Variants in GRHL1 observed in about 807,000 individuals in gnomAD.
GRHL1 encodes the protein grainyhead like transcription factor 1, also known as grainyhead-like protein 1 homolog.
In GRHL1, 38 loss-of-function variants were observed where a neutral mutation model predicts 75.7. The ratio of observed to expected loss-of-function variants is 0.50; its 90% CI spans 0.39 to 0.66. The LOEUF is 0.66. Among genes scored for constraint, GRHL1 ranks in the 30% least tolerant of loss-of-function variants. The pLI, the probability that GRHL1 is intolerant of heterozygous loss-of-function variation, is 0.00. For missense variants in GRHL1, 589 were observed against 767.5 expected, an observed-to-expected ratio of 0.77 and a Z score of 2.75; for synonymous variants, 266 against 279.4, an observed-to-expected ratio of 0.95 and a Z score of 0.48.
chr2:9,998,725 TATATACGTATATATGTACACAC>T lies in GRHL1; in HGVS notation c.1678-234_1678-213del, dbSNP rs1261620949. On this transcript the variant is annotated intron_variant, in intron 14 of 15. Coordinates refer to ENST00000324907, the MANE Select transcript of GRHL1 (RefSeq NM_198182.3). ...ATATATACATATATATGTACACACA[TATATACGTATATATGTACACAC>T]ATATATACGTATATATATGTACACA... Among the ~76,000 whole-genome samples the T allele has an allele frequency of 2.8e-3, 157 of 55,696 alleles. 10 individuals carry two copies. The highest frequency in any genetic ancestry group is 0.014 in the African/African-American group (113 of 8,172). 36.5% of individuals were successfully genotyped at this position (55,696 alleles called of 152,430 possible). A position where few individuals can be genotyped will look rare whatever the true frequency, so the allele number is the denominator to read the frequency against.
At chr2:9,965,157 G>T in intron 7 of GRHL1, 130 bp from the exon 8 acceptor site, 4 of 553,084 alleles carry the variant, frequency 7.2e-6, no homozygotes, top group Non-Finnish European at 1.3e-5. Context: ...TCTTCTAATC[G>T]AACAAAATGT....
Position 9,965,391 on chromosome 2 carries a change from G to A in GRHL1, c.1110+10G>A, listed in dbSNP as rs774504745. On this transcript the variant is annotated intron_variant, in intron 8 of 15. Transcript: ENST00000324907. ...CAACGATGAAGCAAAGGTGGGTGGT[G>A]AGGTCTGGGCGCCTTATGTCCAGCC... 2.5e-5 allele frequency: 37 copies of A among 1,504,792 alleles called. No individual in the cohort carries two copies. The highest frequency in any genetic ancestry group is 8.4e-5 in the Admixed American group (5 of 59,732). 93.2% of individuals were successfully genotyped at this position (1,504,792 alleles called of 1,614,324 possible).
intron 11 of GRHL1, 36 bp from the exon 12 acceptor site, chr2:9,993,171 A>G (rs771516061): frequency 2.7e-6 from 4 of 1,492,084 alleles, no homozygotes; most frequent in African/African-American, 2.8e-5. Context: ...CATTTTGAGC[A>G]TACATTTGAA....
intron 12 of GRHL1, among the ~76,000 whole-genome samples, chr2:9,993,643 G>A (rs906719916): frequency 6.6e-6 from 1 of 152,178 alleles, no homozygotes; most frequent in East Asian, 1.9e-4. Context: ...CTTAGTTTGC[G>A]TGTGTCTGCT....
chr2:10,001,416 AAATATAT>A lies in GRHL1; in HGVS notation c.*719_*725del, dbSNP rs1246929277. ...AAATGTGTACATACATGTCTTATAT[AAATATAT>A]AATATATAAATATGGTGTCTGTGTA... On this transcript the variant is annotated 3_prime_UTR_variant, in exon 16 of 16. Coordinates refer to ENST00000324907, the MANE Select transcript of GRHL1 (RefSeq NM_198182.3). 6.6e-6 allele frequency: 1 copy of A among 152,480 alleles called. No homozygotes were observed. The highest frequency in any genetic ancestry group is 1.5e-5 in the Non-Finnish European group (1 of 67,990). The allele number at this position is 152,480 out of a possible 1,614,324, so 9.4% of individuals were successfully genotyped here. A position where few individuals can be genotyped will look rare whatever the true frequency, so the allele number is the denominator to read the frequency against.
intron 1 of GRHL1, among the ~76,000 whole-genome samples, chr2:9,954,088 T>C (rs1666911224): frequency 6.6e-6 from 1 of 152,206 alleles, no homozygotes; most frequent in South Asian, 2.1e-4. Flanking sequence ...TCGCCATTGA[T>C]TTTTTTGGAT....
rs1312717832 is a variant in GRHL1 at position 9,961,101 on chromosome 2, G to A, written c.334G>A (p.Val112Met). Residue 112 changes from valine to methionine, a missense_variant, in exon 4 of 16, where the codon GTG (valine) becomes ATG (methionine). This residue lies in a region of GRHL1 where 362 missense variants were observed against 461.8 expected (regional missense o/e 0.78). Coordinates refer to ENST00000324907, the MANE Select transcript of GRHL1 (RefSeq NM_198182.3). The stretch of plus-strand genomic sequence containing the variant: ...CCTCATCTCTGCTGGAGAAAACAGA[G>A]TGCAAGTACTGAAAAATGTGCCATT... ...QPLISAGENR[V>M]QVLKNVPFNI... 1.3e-6 allele frequency: 2 copies of A among 1,570,334 alleles called. No individual in the cohort carries two copies. Among genetic ancestry groups the A allele is most frequent in the Admixed American group, 3.8e-5 (2 of 52,456 alleles).
At chr2:9,978,438 T>TG (rs1350656865) in intron 8 of GRHL1, among the ~76,000 whole-genome samples, 1 of 151,920 alleles carries the variant, frequency 6.6e-6, no homozygotes, top group Non-Finnish European at 1.5e-5. Flanking sequence ...GCAGAGAAAA[T>TG]GAAGATCCCC....
At chr2:9,978,323 G>T (rs1304380013) in intron 8 of GRHL1, among the ~76,000 whole-genome samples, 1 of 152,356 alleles carries the variant, frequency 6.6e-6, no homozygotes, top group Non-Finnish European at 1.5e-5. Flanking sequence ...GGGCAGATGA[G>T]GGGATGGTGA....
Position 9,975,857 on chromosome 2 carries a change from G to A in GRHL1, c.1111-10267G>A, listed in dbSNP as rs183112213. Among the ~76,000 whole-genome samples the A allele has an allele frequency of 3.5e-4, 54 of 152,150 alleles. 1 individual carries two copies. The highest frequency in any genetic ancestry group is 1.1e-3 in the African/African-American group (45 of 41,502). On this transcript the variant is annotated intron_variant, in intron 8 of 15. Coordinates refer to ENST00000324907, the MANE Select transcript of GRHL1 (RefSeq NM_198182.3). ...GCCGAGATTGCACCATTGCATTCCA[G>A]CCTGGGCAACAAGAAAAAAAACTCT...
intron 3 of GRHL1, chr2:9,959,311 A>G (rs1667167219): frequency 6.6e-6 from 1 of 152,422 alleles, no homozygotes; most frequent in Non-Finnish European, 1.5e-5. Context: ...AGAAAATTTA[A>G]TTAACGTTTG....
chr2:9,965,110 A>G (rs1029837198), intron 7 of GRHL1, 177 bp from the exon 8 acceptor site: 2 of 531,074 alleles, frequency 3.8e-6, no homozygotes, highest in East Asian at 5.8e-5. Context: ...CCTCTATTAC[A>G]AAAACTCTGT....
intron 8 of GRHL1, among the ~76,000 whole-genome samples, chr2:9,985,390 T>C (rs1484014665): frequency 2.0e-5 from 3 of 152,226 alleles, no homozygotes; most frequent in African/African-American, 7.2e-5. Context: ...CGTTACCACT[T>C]TTGTCTTAGG....
intron 11 of GRHL1, 85 bp from the exon 12 acceptor site, chr2:9,993,122 A>G: frequency 9.8e-7 from 1 of 1,019,106 alleles, no homozygotes; most frequent in Non-Finnish European, 1.6e-6. Context: ...TGAAATTCAA[A>G]ATTATTTCCA....
rs139377733 is a variant in GRHL1 at position 9,956,790 on chromosome 2, A to AT, written c.207+1690dup. 2.6e-3 allele frequency among the ~76,000 whole-genome samples: 392 copies of AT among 152,296 alleles called. 2 individuals are homozygous for AT. The highest frequency in any genetic ancestry group is 8.8e-3 in the African/African-American group (366 of 41,544). On this transcript the variant is annotated intron_variant, in intron 2 of 15. Transcript: ENST00000324907. ...CCTAAAACATTAATTATGAAGTTAC[A>AT]TATTTTTAACTGAAACTTTTGAGAA... is the stretch of plus-strand genomic sequence containing the variant.
rs1433479698 is a variant in GRHL1 at position 10,000,683 on chromosome 2, C to T, written c.1833C>T (p.Tyr611=). 1.2e-6 allele frequency: 2 copies of T among 1,603,468 alleles called. No homozygotes were observed. Among genetic ancestry groups the T allele is most frequent in the East Asian group, 2.2e-5 (1 of 44,818 alleles). The change falls in exon 16 of 16, where the codon TAC becomes TAT. Residue 611 remains tyrosine, a synonymous_variant. Transcript: ENST00000324907. ...AGATTGAAGAAGCCGGGGGGTCTTA[C>T]AAGCTCACCCTGACGGAGATCTAAA... ...QLQIEEAGGS[Y]KLTLTEI
intron 8 of GRHL1, among the ~76,000 whole-genome samples, chr2:9,977,408 C>T (rs1667992827): frequency 6.6e-6 from 1 of 152,178 alleles, no homozygotes; most frequent in Non-Finnish European, 1.5e-5. Context: ...GCAACCTCCG[C>T]CTCCGGGGAT....
At position 10,000,935 on chromosome 2, in the gene GRHL1, G is replaced by T. The variant is rs954811458; in HGVS notation, c.*228G>T. The T allele has an allele frequency of 1.3e-5, 5 of 378,752 alleles. No individual in the cohort carries two copies. The highest frequency in any genetic ancestry group is 6.2e-5 in the African/African-American group (3 of 48,330). The allele number at this position is 378,752 out of a possible 1,614,324, so 23.5% of individuals were successfully genotyped here. On this transcript the variant is annotated 3_prime_UTR_variant, in exon 16 of 16. Transcript: ENST00000324907. ...GAGAAATCCATATACCATTATGTTT[G>T]AATTTCCTGATATATACAGGATTTA...
intron 5 of GRHL1, among the ~76,000 whole-genome samples, chr2:9,963,505 C>CA (rs1667359199): frequency 6.6e-6 from 1 of 152,002 alleles, no homozygotes; most frequent in Non-Finnish European, 1.5e-5. Flanking sequence ...GTAGGAACAA[C>CA]AAAAAAATGC....
Sources: allele counts gnomAD v4.1 joint callset (sites outside exome capture counted in the v4.1 genomes callset), GRCh38; gene constraint gnomAD v4.1.1; regional missense constraint gnomAD v4.1.1; transcripts MANE v1.5; gene names NCBI Gene and HGNC (gene_info 2026-07-23, HGNC 2026-07-21).